The following FBXO34 variants were observed in gnomAD, a reference collection of about 807,000 sequenced individuals.
FBXO34 encodes F-box only protein 34.
Under a neutral mutation model 24.5 loss-of-function variants are expected in FBXO34, and 12 were observed. The observed-to-expected ratio is 0.49, with a 90% CI of 0.31 to 0.79. FBXO34 has a LOEUF of 0.79. Ranked by LOEUF, FBXO34 falls within the 30% of genes least tolerant of loss-of-function variation. FBXO34 has a pLI of 0.04. For missense variants in FBXO34, 823 were observed against 857.7 expected (o/e 0.96, Z 0.51); for synonymous variants, 320 against 311.9 (o/e 1.03, Z -0.27).
In FBXO34 at chr14:55,350,781, A is replaced by AG. The variant is rs777643554; in HGVS notation, c.393dup (p.Ile132AspfsTer13). The AG allele has an allele frequency of 1.1e-5, 18 of 1,605,140 alleles. No homozygotes were observed. The highest frequency in any genetic ancestry group is 1.5e-5 in the Non-Finnish European group (18 of 1,177,282). On this transcript the variant is annotated frameshift_variant, in exon 2 of 2. Coordinates refer to ENST00000313833, the MANE Select transcript of FBXO34 (RefSeq NM_017943.4). LOFTEE classifies it low-confidence loss of function (END_TRUNC). ...CTTTGCATCCCACCAGTGTAGTAAC[A>AG]GGATAGGATCTATGAAAATAAAAAG...
chr14:55,396,068 T>TA, the FBXO34 span: 27 of 1,033,894 alleles, frequency 2.6e-5, no homozygotes, highest in South Asian at 4.3e-4. Context: ...CACTTAAAAT[T>TA]AAGTCCTTAG....
chr14:55,419,020 C>G, the FBXO34 span, among the ~76,000 whole-genome samples: 1 of 152,230 alleles, frequency 6.6e-6, no homozygotes, highest in East Asian at 1.9e-4. Context: ...GGACAACTCT[C>G]CAGTCCATCC....
At chr14:55,413,028 A>C in the FBXO34 span, among the ~76,000 whole-genome samples, 1 of 152,236 alleles carries the variant, frequency 6.6e-6, no homozygotes, top group Non-Finnish European at 1.5e-5. Flanking sequence ...CCGTCTTCTT[A>C]ATCTTACCCA....
At position 55,351,656 on chromosome 14, in the gene FBXO34, C is replaced by G; in HGVS notation, c.1266C>G (p.Ser422=). ...TACCTTTTTCCTCTCATACCTATTCCCAAGCCTCTGAATTGCCCACAGATG... is the reference window on the plus strand; with the variant it reads ...TACCTTTTTCCTCTCATACCTATTCGCAAGCCTCTGAATTGCCCACAGATG... ...VGLPFSSHTY[S]QASELPTDAV... Residue 422 remains serine, a synonymous_variant, in exon 2 of 2, where the codon TCC becomes TCG. Transcript: ENST00000313833. 2 of 1,614,150 alleles carry G rather than the reference C, an allele frequency of 1.2e-6. No individual in the cohort carries two copies. Among genetic ancestry groups the G allele is most frequent in the African/African-American group, 2.7e-5 (2 of 75,024 alleles).
At chr14:55,295,086 A>C (rs1264857911) in intron 1 of FBXO34, among the ~76,000 whole-genome samples, 1 of 152,188 alleles carries the variant, frequency 6.6e-6, no homozygotes, top group African/African-American at 2.4e-5. Flanking sequence ...TCAAAATTTG[A>C]AGTGCAGTTT....
rs927019918 is a variant in FBXO34 at position 55,352,228 on chromosome 14, A to G, written c.1838A>G (p.Asn613Ser). Residue 613 changes from asparagine to serine, a missense_variant, in exon 2 of 2, where the codon AAT (asparagine) becomes AGT (serine). By Grantham distance (46) the Asn-to-Ser change is conservative. Transcript: ENST00000313833. ...CYFKFIIEYYNIRPADSRWVR... is the reference protein window; with the variant it reads ...CYFKFIIEYYSIRPADSRWVR... ...TTCAAGTTTATCATTGAGTACTACA[A>G]TATCAGGCCAGCAGATTCTCGCTGG... 1 of 1,614,204 alleles carries G rather than the reference A, an allele frequency of 6.2e-7. No individual in the cohort carries two copies. The highest frequency in any genetic ancestry group is 1.1e-5 in the South Asian group (1 of 91,084).
chr14:55,422,758 C>T, the FBXO34 span, among the ~76,000 whole-genome samples: 1 of 152,094 alleles, frequency 6.6e-6, no homozygotes, highest in Non-Finnish European at 1.5e-5. Flanking sequence ...GAGGCCGAGG[C>T]AGGAGAATCA....
chr14:55,339,378 G>GGCCC (rs1555339069), intron 1 of FBXO34: 1 of 113,168 alleles, frequency 8.8e-6, no homozygotes, highest in Non-Finnish European at 1.8e-5. Flanking sequence ...TTAATCACCT[G>GGCCC]CCCCCCCCCC....
Position 55,316,686 on chromosome 14 carries a change from C to T in FBXO34, c.-10-33695C>T, listed in dbSNP as rs565930027. Among the ~76,000 whole-genome samples the T allele has an allele frequency of 2.7e-5, 4 of 148,000 alleles. No homozygotes were observed. The South Asian group carries it at 8.5e-4, about 32-fold the overall frequency. Reference sequence around the variant, plus strand: ...GCAGTGCATTGAGCTGAGATCATGCCACTGCACTACAGCCTGGGCAACAGA... The same window carrying T: ...GCAGTGCATTGAGCTGAGATCATGCTACTGCACTACAGCCTGGGCAACAGA... On this transcript the variant is annotated intron_variant, in intron 1 of 1. Transcript: ENST00000313833.
At position 55,351,784 on chromosome 14, in the gene FBXO34, A is replaced by C; in HGVS notation, c.1394A>C (p.Lys465Thr). Residue 465 changes from lysine (K) to threonine (T), a missense_variant, in exon 2 of 2, where the codon AAA (lysine) becomes ACA (threonine). This residue lies in a region of FBXO34 where 693 missense variants were observed against 659.1 expected (regional missense o/e 1.05). Transcript: ENST00000313833. ...AGTATCACTGTGTCCAAGGTAGACA[A>C]AGACCAGCCTTCCATTTTAAACTCC... ...CISITVSKVDKDQPSILNSCE... is the reference protein window; with the variant it reads ...CISITVSKVDTDQPSILNSCE... The C allele has an allele frequency of 1.9e-6, 3 of 1,614,202 alleles. No homozygotes were observed. Among genetic ancestry groups the C allele is most frequent in the Non-Finnish European group, 2.5e-6 (3 of 1,180,030 alleles).
intron 1 of FBXO34, among the ~76,000 whole-genome samples, chr14:55,323,817 A>T (rs922409284): frequency 2.0e-5 from 3 of 152,116 alleles, no homozygotes; most frequent in African/African-American, 7.2e-5. Context: ...TGAACCACTT[A>T]TTTCTGTACT....
In FBXO34 at chr14:55,352,272, A is replaced by G; in HGVS notation, c.1882A>G (p.Arg628Gly). The change falls in exon 2 of 2, where the codon AGA becomes GGA. Residue 628 changes from arginine to glycine, a missense_variant. Physicochemically the swap from Arg to Gly is moderately radical, Grantham distance 125. Transcript: ENST00000313833. The stretch of plus-strand genomic sequence containing the variant: ...TCGCTGGGTTCGAGATCCACGCTAT[A>G]GAGAGGATCCTTGCAAACAGTGCAA... ...DSRWVRDPRY[R>G]EDPCKQCKKK... 1 of 1,614,216 alleles carries G rather than the reference A, an allele frequency of 6.2e-7. No homozygotes were observed. Among genetic ancestry groups the G allele is most frequent in the South Asian group, 1.1e-5 (1 of 91,078 alleles).
downstream of FBXO34, among the ~76,000 whole-genome samples, chr14:55,364,170 A>T (rs1468785613): frequency 6.6e-6 from 1 of 151,886 alleles, no homozygotes; most frequent in Non-Finnish European, 1.5e-5. Flanking sequence ...GCTGGTCTTG[A>T]ACTCCTGACC....
At chr14:55,322,792 C>G (rs1221522487) in intron 1 of FBXO34, among the ~76,000 whole-genome samples, 1 of 151,764 alleles carries the variant, frequency 6.6e-6, no homozygotes, top group Non-Finnish European at 1.5e-5. Context: ...GAGGAGTTAC[C>G]CAACTAAGAT....
the FBXO34 span, among the ~76,000 whole-genome samples, chr14:55,417,141 C>T: frequency 6.6e-6 from 1 of 152,116 alleles, no homozygotes; most frequent in Non-Finnish European, 1.5e-5. Flanking sequence ...GAAATTAGTA[C>T]AATTTCTTCA....
intron 1 of FBXO34, among the ~76,000 whole-genome samples, chr14:55,300,462 G>T (rs1176048907): frequency 6.6e-6 from 1 of 152,196 alleles, no homozygotes; most frequent in Non-Finnish European, 1.5e-5. Context: ...AGACCTGGTG[G>T]CACGCATCTG....
the FBXO34 span, among the ~76,000 whole-genome samples, chr14:55,407,089 G>A: frequency 1.3e-5 from 2 of 151,864 alleles, no homozygotes; most frequent in Non-Finnish European, 2.9e-5. Context: ...AGCTTCCCGA[G>A]TAGCTGGGTT....
In FBXO34 at chr14:55,331,695, A is replaced by ATATG. The variant is rs1555338518; in HGVS notation, c.-10-18683_-10-18682insGTAT. Among the ~76,000 whole-genome samples, 18 of 66,800 alleles carry ATATG rather than the reference A, an allele frequency of 2.7e-4. 1 individual carries two copies. The highest frequency in any genetic ancestry group is 2.6e-3 in the African/African-American group (15 of 5,790). The allele number at this position is 66,800 out of a possible 152,430, so 43.8% of individuals were successfully genotyped here. On this transcript the variant is annotated intron_variant, in intron 1 of 1. Coordinates refer to ENST00000313833, the MANE Select transcript of FBXO34 (RefSeq NM_017943.4). The stretch of plus-strand genomic sequence containing the variant: ...TGTATATATATATATGTGTATATAT[A>ATATG]TATATATATGTATATATATATGTAT...
chr14:55,272,323 C>T (rs1021519761), intron 1 of FBXO34: 5 of 152,198 alleles, frequency 3.3e-5, no homozygotes, highest in African/African-American at 1.2e-4. Flanking sequence ...TTGTCAATTT[C>T]TTTAACTTCT....
Sources: gnomAD v4.1 joint callset for allele counts (sites outside exome capture counted in the v4.1 genomes callset) on GRCh38, gnomAD v4.1.1 for gene constraint, gnomAD v4.1.1 regional missense constraint, MANE v1.5 for transcripts, NCBI Gene and HGNC (gene_info 2026-07-23, HGNC 2026-07-21) for gene names.